The following GDPD1 variants were observed in gnomAD, a reference collection of about 807,000 sequenced individuals.
GDPD1 encodes lysophospholipase D GDPD1.
GDPD1 carries 28 observed loss-of-function variants against 45.1 expected under a neutral mutation model. The observed-to-expected ratio is 0.62, with a 90% confidence interval of 0.46 to 0.85. The LOEUF (loss-of-function observed/expected upper bound fraction) is 0.85, where lower values mean the gene tolerates loss of function less well. GDPD1 is among the 40% of genes least tolerant of loss of function. The probability of loss-of-function intolerance (pLI) is 0.00; values close to 1 mark genes in which losing one functional copy is unlikely to be tolerated. For missense variants in GDPD1, 256 were observed against 364.8 expected (o/e 0.70, Z 2.43); for synonymous variants, 139 against 131.4 (o/e 1.06, Z -0.40).
intron 4 of GDPD1, among the ~76,000 whole-genome samples, chr17:59,249,775 G>C (rs531732681): frequency 6.6e-6 from 1 of 152,256 alleles, no homozygotes; most frequent in Admixed American, 6.5e-5. Flanking sequence ...AAAACCAAAA[G>C]ATGTTACATA....
intron 4 of GDPD1, among the ~76,000 whole-genome samples, chr17:59,252,838 A>G (rs2047266308): frequency 6.6e-6 from 1 of 152,082 alleles, no homozygotes; most frequent in Non-Finnish European, 1.5e-5. Context: ...CGTCTCTACT[A>G]AAAATACAAG....
chr17:59,236,475 G>A (rs1430124466), intron 2 of GDPD1, among the ~76,000 whole-genome samples: 1 of 151,578 alleles, frequency 6.6e-6, no homozygotes, highest in Non-Finnish European at 1.5e-5. Context: ...TCTTTCACAT[G>A]CTATTTTTGT....
chr17:59,241,657 CGTG>C (rs1471708576), intron 2 of GDPD1, among the ~76,000 whole-genome samples: 2 of 149,460 alleles, frequency 1.3e-5, no homozygotes, highest in African/African-American at 4.9e-5. Context: ...AGCTGGGTGC[CGTG>C]GCTCATGGCT....
intron 1 of GDPD1, among the ~76,000 whole-genome samples, chr17:59,232,501 A>T (rs1053878218): frequency 7.9e-5 from 12 of 152,148 alleles, no homozygotes; most frequent in Non-Finnish European, 1.3e-4. Flanking sequence ...ATATCGAAGA[A>T]GTTTTTAACG....
intron 1 of GDPD1, among the ~76,000 whole-genome samples, chr17:59,230,608 C>G (rs1288965216): frequency 6.6e-6 from 1 of 151,846 alleles, no homozygotes; most frequent in East Asian, 1.9e-4. Context: ...TCTTGAACTC[C>G]CGACCTCAGG....
At chr17:59,235,979 C>T (rs938446318) in intron 2 of GDPD1, among the ~76,000 whole-genome samples, 2 of 152,054 alleles carry the variant, frequency 1.3e-5, no homozygotes, top group Non-Finnish European at 2.9e-5. Flanking sequence ...AATTATACAA[C>T]ATATACACAC....
intron 4 of GDPD1, among the ~76,000 whole-genome samples, chr17:59,256,522 C>A (rs2047310257): frequency 6.6e-6 from 1 of 152,034 alleles, no homozygotes; most frequent in Non-Finnish European, 1.5e-5. Context: ...CTGAAAAAGT[C>A]AATGATGATA....
chr17:59,238,268 CAAAAAAA>C (rs373144110), intron 2 of GDPD1, among the ~76,000 whole-genome samples: 2 of 80,192 alleles, frequency 2.5e-5, no homozygotes, highest in Admixed American at 3.0e-4. Context: ...AACTCCATCT[CAAAAAAA>C]AAAAAAAAAA....
intron 3 of GDPD1, among the ~76,000 whole-genome samples, chr17:59,247,383 T>TC (rs1004732600): frequency 2.6e-4 from 40 of 152,168 alleles, no homozygotes; most frequent in African/African-American, 9.2e-4. Context: ...GCCTATTCAG[T>TC]CCCCCCTTCC....
intron 9 of GDPD1, 135 bp from the exon 10 acceptor site, chr17:59,273,516 C>A: frequency 2.2e-6 from 1 of 449,552 alleles, no homozygotes; most frequent in Non-Finnish European, 3.8e-6. Context: ...AAAAAAGGAT[C>A]TAATGATTTA....
At chr17:59,241,819 G>A (rs1379161172) in intron 2 of GDPD1, among the ~76,000 whole-genome samples, 2 of 151,752 alleles carry the variant, frequency 1.3e-5, no homozygotes, top group Non-Finnish European at 2.9e-5. Context: ...TCCCAGCTAC[G>A]CAGGAGGCTG....
At chr17:59,265,371 C>T (rs904293614) in intron 6 of GDPD1, among the ~76,000 whole-genome samples, 1 of 150,758 alleles carries the variant, frequency 6.6e-6, no homozygotes, top group Non-Finnish European at 1.5e-5. Flanking sequence ...TCTGTCTCTA[C>T]AAAAAATTTT....
At chr17:59,250,201 A>ATTAT (rs1251170298) in intron 4 of GDPD1, among the ~76,000 whole-genome samples, 1 of 152,188 alleles carries the variant, frequency 6.6e-6, no homozygotes, top group Non-Finnish European at 1.5e-5. Context: ...AACTTATACG[A>ATTAT]TTATACTTGC....
chr17:59,271,026 T>A, intron 8 of GDPD1, 31 bp downstream of exon 8: 2 of 1,304,548 alleles, frequency 1.5e-6, no homozygotes, highest in Non-Finnish European at 1.1e-6. Flanking sequence ...ATATGCAAGT[T>A]ATTGCTTCAG....
intron 4 of GDPD1, among the ~76,000 whole-genome samples, chr17:59,250,613 C>CAAA (rs34031181): frequency 0.013 from 1,310 of 102,086 alleles, 31 homozygotes; most frequent in Admixed American, 0.041. Flanking sequence ...GACCTTGTCT[C>CAAA]AAAAAAAAAA....
intron 3 of GDPD1, among the ~76,000 whole-genome samples, chr17:59,246,709 CAAAA>C (rs749077536): frequency 1.5e-3 from 42 of 27,550 alleles, no homozygotes; most frequent in Non-Finnish European, 2.3e-3. Context: ...GACTCCATCT[CAAAA>C]AAAAAAAAAA....
chr17:59,248,454 C>T (rs2047229048), intron 3 of GDPD1, among the ~76,000 whole-genome samples: 1 of 151,548 alleles, frequency 6.6e-6, no homozygotes, highest in Non-Finnish European at 1.5e-5. Flanking sequence ...CTTTGGTTTT[C>T]ATTGAATTGT....
chr17:59,269,480 C>T (rs911286938), intron 7 of GDPD1, among the ~76,000 whole-genome samples: 1 of 146,192 alleles, frequency 6.8e-6, no homozygotes, highest in African/African-American at 2.5e-5. Context: ...TGTCTACCCC[C>T]CCCCCCAAAA....
rs568683586 is a variant in GDPD1 at position 59,225,097 on chromosome 17, T to C, written c.142+4346T>C. Among the ~76,000 whole-genome samples the C allele has an allele frequency of 4.3e-3, 628 of 145,086 alleles. 3 individuals carry two copies. The highest frequency in any genetic ancestry group is 0.014 in the African/African-American group (567 of 39,632). ...TATTATTTTCTTTCTTTTCTTTTTT[T>C]TTTTTTTTTTTTGAGATGGAATCTT... On this transcript the variant is annotated intron_variant, in intron 1 of 9. Transcript: ENST00000284116.
Sources: gnomAD v4.1 joint callset for allele counts (sites outside exome capture counted in the v4.1 genomes callset) on GRCh38, gnomAD v4.1.1 for gene constraint, MANE v1.5 for transcripts, NCBI Gene and HGNC (gene_info 2026-07-23, HGNC 2026-07-21) for gene names.